ANKS1A: variants seen among roughly 807,000 people sequenced by gnomAD.
ANKS1A encodes ankyrin repeat and SAM domain-containing protein 1A.
In ANKS1A, 55 loss-of-function variants were observed where a neutral mutation model predicts 120.3. The observed-to-expected ratio is 0.46, with a 90% CI of 0.37 to 0.57. ANKS1A has a LOEUF of 0.57. ANKS1A is among the 20% of genes least tolerant of loss of function. The pLI is 0.00. For synonymous variants in ANKS1A, 590 were observed against 604.7 expected, an observed-to-expected ratio of 0.98 and a Z score of 0.36; for missense variants, 1,123 against 1,480.3, an observed-to-expected ratio of 0.76 and a Z score of 3.96.
At chr6:34,900,886 TA>T (rs1333320386) in intron 1 of ANKS1A, among the ~76,000 whole-genome samples, 1 of 152,070 alleles carries the variant, frequency 6.6e-6, no homozygotes, top group Non-Finnish European at 1.5e-5. Flanking sequence ...ACAGGAAAGT[TA>T]GATAAAGAGA....
intron 1 of ANKS1A, among the ~76,000 whole-genome samples, chr6:34,960,162 C>T (rs1032121338): frequency 4.6e-5 from 7 of 152,162 alleles, no homozygotes; most frequent in Non-Finnish European, 5.9e-5. Context: ...TACCTCAGAC[C>T]CCCTCACGGC....
intron 16 of ANKS1A, among the ~76,000 whole-genome samples, chr6:35,080,535 G>C: frequency 6.6e-6 from 1 of 152,202 alleles, no homozygotes; most frequent in Non-Finnish European, 1.5e-5. Flanking sequence ...GGGGCTTCGT[G>C]AAGTGGGTCC....
In ANKS1A at chr6:34,991,671, CACATATATATACATATAT is replaced by C. The variant is rs1772544544; in HGVS notation, c.1302+2359_1302+2376del. 4.0e-4 allele frequency among the ~76,000 whole-genome samples: 14 copies of C among 35,348 alleles called. 1 individual carries two copies. Among genetic ancestry groups the C allele is most frequent in the Admixed American group, 1.7e-3 (5 of 2,988 alleles). The allele number at this position is 35,348 out of a possible 152,430, so 23.2% of individuals were successfully genotyped here. A position where few individuals can be genotyped will look rare whatever the true frequency, so the allele number is the denominator to read the frequency against. The stretch of plus-strand genomic sequence containing the variant: ...ACACATATATATACACATATATATA[CACATATATATACATATAT>C]ACACATATATATACATATATACACA... On this transcript the variant is annotated intron_variant, in intron 9 of 23. Transcript: ENST00000360359.
chr6:35,091,400 G>A lies in ANKS1A; in HGVS notation c.*2791G>A. The A allele has an allele frequency of 4.1e-6, 4 of 985,482 alleles. No individual in the cohort carries two copies. Among genetic ancestry groups the A allele is most frequent in the Non-Finnish European group, 4.8e-6 (4 of 829,952 alleles). The allele number at this position is 985,482 out of a possible 1,614,324, so 61.0% of individuals were successfully genotyped here. On this transcript the variant is annotated 3_prime_UTR_variant, in exon 24 of 24. Coordinates refer to ENST00000360359, the MANE Select transcript of ANKS1A (RefSeq NM_015245.3). ...TGAATTAATAAATGAGAAGCGACATGAACGCAGCCTTAATTCTTCTGAGTC... is the reference window on the plus strand; with the variant it reads ...TGAATTAATAAATGAGAAGCGACATAAACGCAGCCTTAATTCTTCTGAGTC...
chr6:35,042,864 G>A (rs2127578625), intron 11 of ANKS1A, among the ~76,000 whole-genome samples: 1 of 152,314 alleles, frequency 6.6e-6, no homozygotes, highest in Non-Finnish European at 1.5e-5. Context: ...TGTTTCTAAT[G>A]TATCCTCCAT....
At chr6:34,953,314 C>A (rs532800368) in intron 1 of ANKS1A, among the ~76,000 whole-genome samples, 1 of 152,112 alleles carries the variant, frequency 6.6e-6, no homozygotes, top group Non-Finnish European at 1.5e-5. Flanking sequence ...TCTTGAAGAG[C>A]CTGACCCGGC....
Position 34,897,069 on chromosome 6 carries a change from A to G in ANKS1A, c.197+7470A>G, listed in dbSNP as rs552996327. ...AAAGGTGGGAGAATTGCTAGAGCCC[A>G]GAAGGTGGAAGGTTGAGGCTGCAGT... On this transcript the variant is annotated intron_variant, in intron 1 of 23. Coordinates refer to ENST00000360359, the MANE Select transcript of ANKS1A (RefSeq NM_015245.3). 2.7e-4 allele frequency among the ~76,000 whole-genome samples: 41 copies of G among 152,338 alleles called. No individual in the cohort carries two copies. In the South Asian group the frequency reaches 7.9e-3, roughly 29 times the overall value.
chr6:34,948,132 A>G (rs1293193708), intron 1 of ANKS1A, among the ~76,000 whole-genome samples: 1 of 150,870 alleles, frequency 6.6e-6, no homozygotes. Flanking sequence ...TGCTGCACCC[A>G]TTAACTCATC....
chr6:34,920,250 A>G (rs1768367313), intron 1 of ANKS1A, among the ~76,000 whole-genome samples: 1 of 151,796 alleles, frequency 6.6e-6, no homozygotes, highest in Non-Finnish European at 1.5e-5. Flanking sequence ...AGGTCTTGCT[A>G]TGTTGCCCAG....
At chr6:34,927,418 A>T (rs1768771079) in intron 1 of ANKS1A, among the ~76,000 whole-genome samples, 1 of 152,024 alleles carries the variant, frequency 6.6e-6, no homozygotes, top group Admixed American at 6.6e-5. Context: ...GAGGTGAGGG[A>T]TATTGATAAA....
At position 34,890,988 on chromosome 6, in the gene ANKS1A, G is replaced by A. The variant is rs113450923; in HGVS notation, c.197+1389G>A. 2.3e-3 allele frequency among the ~76,000 whole-genome samples: 344 copies of A among 152,310 alleles called. 1 individual carries two copies. Among genetic ancestry groups the A allele is most frequent in the African/African-American group, 7.6e-3 (317 of 41,566 alleles). Reference sequence around the variant, plus strand: ...TATAAGTAGGTACTTAAGATTTGTTGAAGAAATAAAAGTATCAGTTGCAGG... The same window carrying A: ...TATAAGTAGGTACTTAAGATTTGTTAAAGAAATAAAAGTATCAGTTGCAGG... On this transcript the variant is annotated intron_variant, in intron 1 of 23. Coordinates refer to ENST00000360359, the MANE Select transcript of ANKS1A (RefSeq NM_015245.3).
intron 1 of ANKS1A, among the ~76,000 whole-genome samples, chr6:34,963,468 A>G (rs371378863): frequency 9.2e-5 from 14 of 152,164 alleles, no homozygotes; most frequent in African/African-American, 3.4e-4. Context: ...TCCTTTCCTA[A>G]GGAAAGTATG....
At chr6:34,922,061 C>T (rs1293941443) in intron 1 of ANKS1A, among the ~76,000 whole-genome samples, 4 of 146,578 alleles carry the variant, frequency 2.7e-5, no homozygotes, top group Middle Eastern at 3.6e-3. Flanking sequence ...GTGTTGGGCT[C>T]GAACTCTTGG....
At chr6:34,985,471 C>T (rs928788634) in intron 8 of ANKS1A, among the ~76,000 whole-genome samples, 193 bp downstream of exon 8, 1 of 152,186 alleles carries the variant, frequency 6.6e-6, no homozygotes, top group African/African-American at 2.4e-5. Flanking sequence ...CTACAGATCA[C>T]ACTGAGGTTA....
At chr6:35,010,924 G>A (rs1457503483) in intron 10 of ANKS1A, among the ~76,000 whole-genome samples, 1 of 152,146 alleles carries the variant, frequency 6.6e-6, no homozygotes, top group Non-Finnish European at 1.5e-5. Context: ...TGAGGAAATC[G>A]ATCTTACATA....
chr6:35,018,954 C>A (rs1157070963), intron 11 of ANKS1A, among the ~76,000 whole-genome samples: 1 of 152,172 alleles, frequency 6.6e-6, no homozygotes, highest in Non-Finnish European at 1.5e-5. Context: ...CCAAATACTT[C>A]TTCCAGCAGA....
At chr6:35,083,324 T>C in intron 19 of ANKS1A, 93 bp from the exon 20 acceptor site, 1 of 1,596,680 alleles carries the variant, frequency 6.3e-7, no homozygotes, top group Non-Finnish European at 8.6e-7. Flanking sequence ...TGCTGCACTA[T>C]GTAAGGATGG....
chr6:34,928,735 C>T (rs759767054), intron 1 of ANKS1A, among the ~76,000 whole-genome samples: 3 of 152,162 alleles, frequency 2.0e-5, no homozygotes, highest in Non-Finnish European at 4.4e-5. Context: ...GGATTTGAAT[C>T]CTGGCAGGGG....
chr6:35,078,558 GGGTCTAAT>G lies in ANKS1A; in HGVS notation c.2187_2194del (p.Ser730AspfsTer36). On this transcript the variant is annotated frameshift_variant and splice_region_variant, in exon 14 of 24. Coordinates refer to ENST00000360359, the MANE Select transcript of ANKS1A (RefSeq NM_015245.3). LOFTEE classifies it high-confidence loss of function. Reference sequence around the variant, plus strand: ...CTGACATCCACCTTTCTGCTCTCAGGGGTCTAATGTGATGGAAGAGCAGGACCTGCGGG... The same window carrying G: ...CTGACATCCACCTTTCTGCTCTCAGGGTGATGGAAGAGCAGGACCTGCGGG... The G allele has an allele frequency of 6.2e-7, 1 of 1,611,184 alleles. No homozygotes were observed. Among genetic ancestry groups the G allele is most frequent in the Non-Finnish European group, 8.5e-7 (1 of 1,179,864 alleles).
Sources: allele counts gnomAD v4.1 joint callset (sites outside exome capture counted in the v4.1 genomes callset), GRCh38; gene constraint gnomAD v4.1.1; transcripts MANE v1.5; gene names NCBI Gene and HGNC (gene_info 2026-07-23, HGNC 2026-07-21).